The following NTNG2 variants were observed in gnomAD, a reference collection of about 807,000 sequenced individuals.
NTNG2 encodes netrin-G2.
A neutral mutation model predicts 47.6 loss-of-function variants in NTNG2; 15 were observed. That is an observed-to-expected ratio of 0.32 (90% CI 0.21 to 0.49). The LOEUF (loss-of-function observed/expected upper bound fraction) is 0.49. Ranked by LOEUF, NTNG2 falls within the 20% of genes least tolerant of loss-of-function variation. NTNG2 has a pLI of 0.99. For missense variants in NTNG2, 578 were observed against 764.6 expected (o/e 0.76, Z 2.88); for synonymous variants, 307 against 324.6 (o/e 0.95, Z 0.58).
chr9:132,230,679 AG>A (rs1344787209), intron 5 of NTNG2, 84 bp downstream of exon 5: 1 of 1,438,166 alleles, frequency 7.0e-7, no homozygotes, highest in African/African-American at 1.4e-5. Flanking sequence ...GAGAGAAAAA[AG>A]GGGCTTCAGT....
At chr9:132,228,010 A>G (rs1840913011) in intron 4 of NTNG2, among the ~76,000 whole-genome samples, 1 of 152,136 alleles carries the variant, frequency 6.6e-6, no homozygotes, top group Non-Finnish European at 1.5e-5. Flanking sequence ...TGGAGTCCTT[A>G]TTACGGTCCC....
intron 2 of NTNG2, among the ~76,000 whole-genome samples, chr9:132,195,474 ATTTTTTT>A (rs56733654): frequency 8.1e-4 from 65 of 80,132 alleles, no homozygotes; most frequent in Middle Eastern, 7.7e-3. Context: ...ACGCCTGGCT[ATTTTTTT>A]TTTTTTTTTT....
chr9:132,215,302 C>T lies in NTNG2; in HGVS notation c.858-11547C>T, dbSNP rs1434988407. Reference sequence around the variant, plus strand: ...ATGACTCCAAGAGGCCAGTGGGGGCCAGGCATGGTGGCTTATACCTGTAAT... The same window carrying T: ...ATGACTCCAAGAGGCCAGTGGGGGCTAGGCATGGTGGCTTATACCTGTAAT... On this transcript the variant is annotated intron_variant, in intron 3 of 7. Transcript: ENST00000393229. This position sits in a 1 kb window ranked among gnomAD's most constrained non-coding sequence, Gnocchi z 4.2. Among the ~76,000 whole-genome samples the T allele has an allele frequency of 1.3e-5, 2 of 151,856 alleles. No individual in the cohort carries two copies. The highest frequency in any genetic ancestry group is 1.9e-4 in the East Asian group (1 of 5,168).
intron 2 of NTNG2, among the ~76,000 whole-genome samples, chr9:132,168,500 T>C (rs539716301): frequency 5.0e-4 from 76 of 152,014 alleles, no homozygotes; most frequent in African/African-American, 1.7e-3. Context: ...TTGTCAGTGG[T>C]GATGAGGCTG....
At chr9:132,179,991 A>T (rs1385987729) in intron 2 of NTNG2, among the ~76,000 whole-genome samples, 1 of 151,674 alleles carries the variant, frequency 6.6e-6, no homozygotes, top group Non-Finnish European at 1.5e-5. Context: ...TGTGAATCTA[A>T]CCCTGGAGTG....
intron 3 of NTNG2, among the ~76,000 whole-genome samples, chr9:132,204,211 C>T (rs1254066303): frequency 1.3e-5 from 2 of 152,210 alleles, no homozygotes; most frequent in Non-Finnish European, 2.9e-5. Context: ...CAGATCTGAG[C>T]TCCAGACTGG....
chr9:132,205,039 G>A (rs1564415593), intron 3 of NTNG2, among the ~76,000 whole-genome samples: 1 of 152,222 alleles, frequency 6.6e-6, no homozygotes, highest in South Asian at 2.1e-4. Flanking sequence ...CAAAAACGGT[G>A]CAGCCACAGG....
chr9:132,224,038 G>A (rs1840547988), intron 3 of NTNG2, among the ~76,000 whole-genome samples: 2 of 151,704 alleles, frequency 1.3e-5, no homozygotes, highest in Admixed American at 6.6e-5. Context: ...TCCTCCTTCA[G>A]GTCTTAGTTT....
intron 3 of NTNG2, among the ~76,000 whole-genome samples, chr9:132,225,652 A>G (rs558878498): frequency 6.6e-6 from 1 of 152,328 alleles, no homozygotes; most frequent in East Asian, 1.9e-4. Flanking sequence ...AGTATCTAAT[A>G]TAGGCAATGT....
chr9:132,203,185 T>G (rs2130772487), intron 3 of NTNG2, among the ~76,000 whole-genome samples: 1 of 151,898 alleles, frequency 6.6e-6, no homozygotes, highest in African/African-American at 2.4e-5. Flanking sequence ...AAACACAACT[T>G]ACGTGGAAGC....
chr9:132,237,596 T>A (rs1841721831), intron 5 of NTNG2, among the ~76,000 whole-genome samples: 1 of 152,118 alleles, frequency 6.6e-6, no homozygotes, highest in Non-Finnish European at 1.5e-5. Context: ...AAAAAGACGG[T>A]GCAGGATAGA....
rs45462499 is a variant in NTNG2, at chr9:132,239,313, C to T, written c.1222+42C>T. On this transcript the variant is annotated intron_variant, in intron 6 of 7. Transcript: ENST00000393229. ...ACGGCACAGGGAACTTGCTGGAATG[C>T]GTGCAGGGTGCACTGCCCTGCGAGG... The T allele has an allele frequency of 4.6e-3, 7,447 of 1,607,442 alleles. 19 individuals are homozygous for T. Among genetic ancestry groups the T allele is most frequent in the Non-Finnish European group, 5.7e-3 (6,688 of 1,175,924 alleles).
In NTNG2 at chr9:132,227,061, T is replaced by C. The variant is rs560550823; in HGVS notation, c.1030+40T>C. The C allele has an allele frequency of 1.4e-4, 213 of 1,544,394 alleles. 1 individual carries two copies. The East Asian group carries it at 4.8e-3, about 35-fold the overall frequency. On this transcript the variant is annotated intron_variant, in intron 4 of 7. Transcript: ENST00000393229. ...CCGGGGCCACGAGCCCACATGGCTATAATCTTCCCTGCCCGTCAATCCCAG... is the reference window on the plus strand; with the variant it reads ...CCGGGGCCACGAGCCCACATGGCTACAATCTTCCCTGCCCGTCAATCCCAG...
chr9:132,242,096 C>T lies in NTNG2; in HGVS notation c.1578C>T (p.Ala526=). Reference sequence around the variant, plus strand: ...GCCTGCTGCTGCTGGGGCTGGCCGCCCGCCTGGGCCGCTGAGCCCCGCCCG... The same window carrying T: ...GCCTGCTGCTGCTGGGGCTGGCCGCTCGCCTGGGCCGCTGAGCCCCGCCCG... The part of the protein sequence containing the change: ...LGCLLLLGLA[A]RLGR Residue 526 remains alanine, a synonymous_variant, in exon 8 of 8, where the codon GCC becomes GCT. Coordinates refer to ENST00000393229, the MANE Select transcript of NTNG2 (RefSeq NM_032536.4). The surrounding 1 kb of genome is among the most constrained non-coding windows in gnomAD (Gnocchi z 5.9). The T allele has an allele frequency of 8.6e-7, 1 of 1,159,712 alleles. No individual in the cohort carries two copies. Among genetic ancestry groups the T allele is most frequent in the Admixed American group, 4.7e-5 (1 of 21,158 alleles). 71.8% of individuals were successfully genotyped at this position (1,159,712 alleles called of 1,614,324 possible).
At chr9:132,233,874 C>T (rs1841427205) in intron 5 of NTNG2, 1 of 152,108 alleles carries the variant, frequency 6.6e-6, no homozygotes, top group East Asian at 1.9e-4. Flanking sequence ...TAAATTACAC[C>T]TCAATCAAGC....
intron 4 of NTNG2, among the ~76,000 whole-genome samples, chr9:132,229,176 G>C (rs1240325107): frequency 6.6e-6 from 1 of 152,106 alleles, no homozygotes; most frequent in Non-Finnish European, 1.5e-5. Flanking sequence ...CACAGGTGAG[G>C]CTGGAGGCGC....
Position 132,242,107 on chromosome 9 carries a change from G to T in NTNG2, c.1589G>T (p.Arg530Leu), listed in dbSNP as rs1842029826. ...LLLGLAARLGR is the reference protein window; with the variant it reads ...LLLGLAARLGL ...CTGGGGCTGGCCGCCCGCCTGGGCCGCTGAGCCCCGCCCGGAGGACGCTCC... is the reference window on the plus strand; with the variant it reads ...CTGGGGCTGGCCGCCCGCCTGGGCCTCTGAGCCCCGCCCGGAGGACGCTCC... Residue 530 changes from arginine to leucine, a missense_variant, in exon 8 of 8, where the codon CGC becomes CTC. By Grantham distance (102) the Arg-to-Leu change is moderately radical. Coordinates refer to ENST00000393229, the MANE Select transcript of NTNG2 (RefSeq NM_032536.4). The surrounding 1 kb of genome is among the most constrained non-coding windows in gnomAD (Gnocchi z 5.9). 1 of 1,138,012 alleles carries T rather than the reference G, an allele frequency of 8.8e-7. No homozygotes were observed. The highest frequency in any genetic ancestry group is 1.1e-6 in the Non-Finnish European group (1 of 929,416). The allele number at this position is 1,138,012 out of a possible 1,614,324, so 70.5% of individuals were successfully genotyped here.
At chr9:132,188,601 G>A (rs577782110) in intron 2 of NTNG2, among the ~76,000 whole-genome samples, 5 of 152,192 alleles carry the variant, frequency 3.3e-5, no homozygotes, top group Admixed American at 6.5e-5. Flanking sequence ...CACACAGGGC[G>A]CCCAGCACAG....
rs1167952208 is a variant in NTNG2, at chr9:132,226,047, T to C, written c.858-802T>C. On this transcript the variant is annotated intron_variant, in intron 3 of 7. Transcript: ENST00000393229. The surrounding 1 kb of genome is among the most constrained non-coding windows in gnomAD (Gnocchi z 4.8). ...TCTTCTAGAGACGCTCACTGTCTGC[T>C]GGCCTCTCAGTGGGAAGTTCTGGGC... 6.6e-6 allele frequency among the ~76,000 whole-genome samples: 1 copy of C among 152,188 alleles called. No individual in the cohort carries two copies. The highest frequency in any genetic ancestry group is 1.5e-5 in the Non-Finnish European group (1 of 68,036).
Sources: allele counts gnomAD v4.1 joint callset (sites outside exome capture counted in the v4.1 genomes callset), GRCh38; gene constraint gnomAD v4.1.1; non-coding constraint Gnocchi (gnomAD v3.1); transcripts MANE v1.5; gene names NCBI Gene and HGNC (gene_info 2026-07-23, HGNC 2026-07-21).